The following DMGDH variants were observed in gnomAD, a reference collection of about 807,000 sequenced individuals.
DMGDH encodes the protein dimethylglycine dehydrogenase, mitochondrial.
In DMGDH, 76 loss-of-function variants were observed where a neutral mutation model predicts 95.2. The observed-to-expected ratio is 0.80, with a 90% CI of 0.66 to 0.97. The LOEUF (loss-of-function observed/expected upper bound fraction) is 0.97. Ranked by LOEUF, DMGDH falls within the 50% of genes least tolerant of loss-of-function variation. DMGDH has a pLI of 0.00. For missense variants in DMGDH, 987 were observed against 1,055.0 expected (o/e 0.94, Z 0.89); for synonymous variants, 345 against 377.6 (o/e 0.91, Z 1.00).
intron 14 of DMGDH, among the ~76,000 whole-genome samples, chr5:79,014,339 T>A (rs1456586271): frequency 1.3e-5 from 2 of 152,204 alleles, no homozygotes; most frequent in African/African-American, 4.8e-5. Flanking sequence ...ATCTGATGAT[T>A]CAAAGGAAAA....
chr5:79,061,368 A>G (rs760961685), intron 2 of DMGDH, among the ~76,000 whole-genome samples: 3 of 152,102 alleles, frequency 2.0e-5, no homozygotes, highest in Non-Finnish European at 2.9e-5. Context: ...ACTGTCTTTT[A>G]TTCCAAGGGG....
chr5:79,055,787 A>G, intron 3 of DMGDH, 23 bp downstream of exon 3: 1 of 1,460,956 alleles, frequency 6.8e-7, no homozygotes. Context: ...CCTAACAGAC[A>G]GTTTCAAGTT....
chr5:79,028,991 C>T (rs1303333084), intron 11 of DMGDH, among the ~76,000 whole-genome samples: 1 of 152,112 alleles, frequency 6.6e-6, no homozygotes, highest in Admixed American at 6.6e-5. Flanking sequence ...TTAATTTAAA[C>T]CCAAATTTTC....
intron 14 of DMGDH, chr5:79,021,286 A>G: frequency 9.3e-7 from 1 of 1,079,598 alleles, no homozygotes; most frequent in Non-Finnish European, 1.1e-6. Context: ...CTACAGCTTT[A>G]GTTCCTGAAA....
chr5:79,036,996 C>A (rs1047411198), intron 7 of DMGDH, among the ~76,000 whole-genome samples: 1 of 151,808 alleles, frequency 6.6e-6, no homozygotes, highest in African/African-American at 2.4e-5. Flanking sequence ...GAGGAGACAC[C>A]AGAGAGCTTG....
At chr5:79,004,646 A>G (rs1168851056) in intron 15 of DMGDH, among the ~76,000 whole-genome samples, 2 of 152,244 alleles carry the variant, frequency 1.3e-5, no homozygotes, top group African/African-American at 2.4e-5. Flanking sequence ...CTGAATGCAG[A>G]AAGCTTGGGA....
At position 79,026,414 on chromosome 5, in the gene DMGDH, C is replaced by T. The variant is rs1754001537; in HGVS notation, c.2190+10G>A. The stretch of plus-strand genomic sequence containing the variant: ...CATAAAATGTTAATAAAGATGCTAG[C>T]ATTTCAAACCTCTAACCCCCAGGCT... On this transcript the variant is annotated intron_variant, in intron 13 of 15. Coordinates refer to ENST00000255189, the MANE Select transcript of DMGDH (RefSeq NM_013391.3). 10 of 1,614,096 alleles carry T rather than the reference C, an allele frequency of 6.2e-6. No individual in the cohort carries two copies. The highest frequency in any genetic ancestry group is 8.5e-6 in the Non-Finnish European group (10 of 1,179,986).
At chr5:79,042,579 C>A (rs1213480004) in intron 6 of DMGDH, 98 bp from the exon 7 acceptor site, 11 of 1,210,582 alleles carry the variant, frequency 9.1e-6, no homozygotes, top group Admixed American at 3.5e-5. Flanking sequence ...TTAAAGATGG[C>A]CTGTTAGGAA....
At chr5:79,039,399 C>T (rs1024338751) in intron 7 of DMGDH, among the ~76,000 whole-genome samples, 4 of 152,038 alleles carry the variant, frequency 2.6e-5, no homozygotes, top group Non-Finnish European at 4.4e-5. Flanking sequence ...GAGTTCATGT[C>T]CTTTGTAGGG....
At chr5:79,042,223 C>T (rs1266569653) in intron 7 of DMGDH, 60 bp downstream of exon 7, 1 of 1,494,044 alleles carries the variant, frequency 6.7e-7, no homozygotes, top group Non-Finnish European at 9.3e-7. Context: ...GAATATGGAA[C>T]TAGATTTAGC....
intron 1 of DMGDH, 55 bp downstream of exon 1, chr5:79,069,465 G>T: frequency 8.8e-7 from 1 of 1,132,830 alleles, no homozygotes; most frequent in Non-Finnish European, 1.1e-6. Flanking sequence ...TCAGCCTCTG[G>T]CTCCCACCCC....
intron 15 of DMGDH, among the ~76,000 whole-genome samples, chr5:78,999,520 A>T (rs886237689): frequency 6.6e-6 from 1 of 151,832 alleles, no homozygotes; most frequent in African/African-American, 2.4e-5. Flanking sequence ...TTTTTAGTAG[A>T]GGCGGGGTTT....
intron 2 of DMGDH, among the ~76,000 whole-genome samples, chr5:79,060,522 G>A (rs897642159): frequency 2.6e-5 from 4 of 152,104 alleles, no homozygotes; most frequent in Admixed American, 6.6e-5. Context: ...AGCACATATC[G>A]TGCTTCAGGG....
In DMGDH at chr5:79,028,622, C is replaced by A; in HGVS notation, c.1843G>T (p.Gly615Ter). The A allele has an allele frequency of 6.2e-7, 1 of 1,614,126 alleles. No homozygotes were observed. The highest frequency in any genetic ancestry group is 8.5e-7 in the Non-Finnish European group (1 of 1,180,010). The change falls in exon 12 of 16, where the codon GGA becomes TGA. Residue 615 changes from glycine (G) to a stop codon, truncating the protein, a stop_gained. Coordinates refer to ENST00000255189, the MANE Select transcript of DMGDH (RefSeq NM_013391.3). LOFTEE classifies it high-confidence loss of function. Reference sequence around the variant, plus strand: ...ATGTTTTTAATTTCAACATCATATCCACCTTTGACTGCTTCTTCTTCAATC... The same window carrying A: ...ATGTTTTTAATTTCAACATCATATCAACCTTTGACTGCTTCTTCTTCAATC... ...RWIEEEAVKG[G>*]YDVEIKNITD...
In DMGDH at chr5:79,028,632, T is replaced by C. The variant is rs775654772; in HGVS notation, c.1833A>G (p.Ala611=). 6.2e-7 allele frequency: 1 copy of C among 1,614,172 alleles called. No homozygotes were observed. Among genetic ancestry groups the C allele is most frequent in the East Asian group, 2.2e-5 (1 of 44,878 alleles). ...LHDLRWIEEE[A]VKGGYDVEIK... is the part of the protein sequence containing the mutation. ...TTTCAACATCATATCCACCTTTGAC[T>C]GCTTCTTCTTCAATCCATCTGCGTT... The change falls in exon 12 of 16, where the codon GCA becomes GCG. Residue 611 remains alanine (A), a synonymous_variant. Transcript: ENST00000255189.
intron 7 of DMGDH, among the ~76,000 whole-genome samples, chr5:79,039,317 A>C (rs1485735902): frequency 6.6e-6 from 1 of 152,186 alleles, no homozygotes; most frequent in East Asian, 1.9e-4. Flanking sequence ...CCAAATGTGC[A>C]ACAATGATAG....
chr5:79,061,220 A>AAC (rs34931005), intron 2 of DMGDH, among the ~76,000 whole-genome samples: 6,292 of 141,456 alleles, frequency 0.044, 167 homozygotes, highest in East Asian at 0.082. Context: ...CTCTGTCTCA[A>AAC]ACACACACAC....
At chr5:79,020,723 GGGGA>G (rs957934425) in intron 14 of DMGDH, 1 of 983,492 alleles carries the variant, frequency 1.0e-6, no homozygotes, top group African/African-American at 1.8e-5. Flanking sequence ...AGCTCTACAC[GGGGA>G]GAGAGGGGAA....
chr5:79,047,828 A>G (rs1483635626), intron 5 of DMGDH, among the ~76,000 whole-genome samples: 1 of 152,208 alleles, frequency 6.6e-6, no homozygotes, highest in Non-Finnish European at 1.5e-5. Flanking sequence ...CAGACAGTAC[A>G]GTACCTGGAG....
Sources: allele counts gnomAD v4.1 joint callset (sites outside exome capture counted in the v4.1 genomes callset), GRCh38; gene constraint gnomAD v4.1.1; transcripts MANE v1.5; gene names NCBI Gene and HGNC (gene_info 2026-07-23, HGNC 2026-07-21).